Variants in BBS9 observed in about 807,000 individuals in gnomAD.
BBS9 encodes the protein protein PTHB1.
BBS9 carries 89 observed loss-of-function variants against 117.7 expected under a neutral mutation model. The ratio of observed to expected loss-of-function variants is 0.76; its 90% CI spans 0.64 to 0.90. BBS9 has a LOEUF of 0.90. BBS9 is among the 40% of genes least tolerant of loss of function. BBS9 has a pLI of 0.00. For missense variants in BBS9, 982 were observed against 1,042.2 expected (o/e 0.94, Z 0.80); for synonymous variants, 379 against 370.9 (o/e 1.02, Z -0.25).
chr7:33,616,479 A>ATG (rs199968576), intron 21 of BBS9, among the ~76,000 whole-genome samples: 5,025 of 142,410 alleles, frequency 0.035, 100 homozygotes, highest in Non-Finnish European at 0.045. Context: ...TATATAATAT[A>ATG]TGTGTGTGTG....
At chr7:33,484,370 T>C (rs1842834465) in intron 19 of BBS9, among the ~76,000 whole-genome samples, 1 of 152,216 alleles carries the variant, frequency 6.6e-6, no homozygotes, top group Non-Finnish European at 1.5e-5. Context: ...ACCTCTCTAA[T>C]CAATACAAAG....
intron 19 of BBS9, among the ~76,000 whole-genome samples, chr7:33,452,522 C>G (rs1187534326): frequency 6.6e-6 from 1 of 152,148 alleles, no homozygotes; most frequent in African/African-American, 2.4e-5. Flanking sequence ...TTCTTATTTT[C>G]TCTAGTGGAG....
intron 19 of BBS9, among the ~76,000 whole-genome samples, chr7:33,447,284 C>T (rs955611596): frequency 2.0e-5 from 3 of 152,206 alleles, no homozygotes; most frequent in Admixed American, 6.5e-5. Context: ...CAATTAATTA[C>T]GGAAGCTGCG....
At position 33,481,500 on chromosome 7, in the gene BBS9, TG is replaced by T. The variant is rs139035632; in HGVS notation, c.2116-23962del. The stretch of plus-strand genomic sequence containing the variant: ...AATTATGTAATATGATATTATATAA[TG>T]TTGCATGAACAAAGCAGTGTACAAA... On this transcript the variant is annotated intron_variant, in intron 19 of 22. Transcript: ENST00000242067. Among the ~76,000 whole-genome samples the T allele has an allele frequency of 0.014, 2,114 of 152,318 alleles. 121 individuals are homozygous for T. The East Asian group carries it at 0.2, about 14-fold the overall frequency.
At position 33,612,239 on chromosome 7, in the gene BBS9, T is replaced by A. The variant is rs748458233; in HGVS notation, c.2522-22938T>A. 3.7e-4 allele frequency among the ~76,000 whole-genome samples: 56 copies of A among 152,036 alleles called. 1 individual carries two copies. Among genetic ancestry groups the A allele is most frequent in the Admixed American group, 1.1e-3 (17 of 15,220 alleles). The stretch of plus-strand genomic sequence containing the variant: ...GGGAAAGTATGGTGTGTAATACTCA[T>A]CTTTTGCACTCAGCAGCTCACAAAA... On this transcript the variant is annotated intron_variant, in intron 21 of 21. Transcript: ENST00000671952.
intron 9 of BBS9, among the ~76,000 whole-genome samples, chr7:33,306,512 TA>T (rs1808015058): frequency 6.6e-6 from 1 of 152,114 alleles, no homozygotes; most frequent in African/African-American, 2.4e-5. Flanking sequence ...TGTTTTGGAA[TA>T]AAAATGATGA....
chr7:33,298,487 T>C (rs991050077), intron 9 of BBS9, among the ~76,000 whole-genome samples: 1 of 152,212 alleles, frequency 6.6e-6, no homozygotes, highest in Non-Finnish European at 1.5e-5. Flanking sequence ...ATGCCCACTT[T>C]TAACAATTAT....
chr7:33,368,577 TACACACACACACACAC>T (rs201655079), intron 17 of BBS9, among the ~76,000 whole-genome samples: 4 of 128,400 alleles, frequency 3.1e-5, no homozygotes, highest in Non-Finnish European at 6.9e-5. Context: ...GAGAAAAAAG[TACACACACACACACAC>T]ACACACACAC....
chr7:33,500,510 C>T (rs1845297889), intron 19 of BBS9, among the ~76,000 whole-genome samples: 1 of 152,106 alleles, frequency 6.6e-6, no homozygotes, highest in Admixed American at 6.5e-5. Context: ...AGTGGGGGGA[C>T]AGGGGGTCAG....
At chr7:33,338,629 A>G (rs1584396431) in intron 10 of BBS9, among the ~76,000 whole-genome samples, 1 of 152,274 alleles carries the variant, frequency 6.6e-6, no homozygotes, top group South Asian at 2.1e-4. Context: ...AGTGTTTTTG[A>G]AGCTGATTTT....
At chr7:33,317,843 G>C in intron 9 of BBS9, among the ~76,000 whole-genome samples, 1 of 152,172 alleles carries the variant, frequency 6.6e-6, no homozygotes, top group East Asian at 1.9e-4. Context: ...CATGAAGCTA[G>C]GAACTTAAGA....
intron 1 of BBS9, among the ~76,000 whole-genome samples, chr7:33,137,740 ATTG>A (rs1376946198): frequency 1.3e-5 from 2 of 152,120 alleles, no homozygotes; most frequent in East Asian, 3.8e-4. Context: ...GTTTTTTTCT[ATTG>A]TTCATTAATT....
chr7:33,340,353 A>G (rs1816257544), intron 10 of BBS9, among the ~76,000 whole-genome samples: 1 of 152,248 alleles, frequency 6.6e-6, no homozygotes, highest in African/African-American at 2.4e-5. Flanking sequence ...AAAGATGGAC[A>G]GCACCCTTAT....
At chr7:33,355,701 G>A (rs1173296389) in intron 15 of BBS9, among the ~76,000 whole-genome samples, 1 of 151,842 alleles carries the variant, frequency 6.6e-6, no homozygotes, top group Non-Finnish European at 1.5e-5. Context: ...TGACCTAACT[G>A]AACTGTAAAT....
intron 5 of BBS9, among the ~76,000 whole-genome samples, chr7:33,253,522 G>C (rs527850430): frequency 6.6e-6 from 1 of 152,206 alleles, no homozygotes; most frequent in Non-Finnish European, 1.5e-5. Flanking sequence ...TGAGGCAGGA[G>C]AATTGCTTGA....
intron 21 of BBS9, among the ~76,000 whole-genome samples, chr7:33,566,102 TG>T (rs1856894735): frequency 6.6e-6 from 1 of 151,374 alleles, no homozygotes; most frequent in South Asian, 2.1e-4. Flanking sequence ...TTCTGCCTTA[TG>T]GGTAACAGAC....
rs543130380 is a variant in BBS9, at chr7:33,289,513, T to G, written c.1016+15557T>G. ...AAGTTATGGCTTGTGAATTAGAAAT[T>G]ACTAGTATTTCAGTAGTCAAAATAC... On this transcript the variant is annotated intron_variant, in intron 9 of 22. Transcript: ENST00000242067. Among the ~76,000 whole-genome samples the G allele has an allele frequency of 2.0e-5, 3 of 152,310 alleles. No individual in the cohort carries two copies. The South Asian group carries it at 6.2e-4, about 32-fold the overall frequency.
At chr7:33,596,391 C>CTATCTATCTATCTATCTATCTATA (rs968148294) in intron 21 of BBS9, among the ~76,000 whole-genome samples, 3 of 150,410 alleles carry the variant, frequency 2.0e-5, no homozygotes, top group South Asian at 2.1e-4. Context: ...ATCTATCTAT[C>CTATCTATCTATCTATCTATCTATA]TATATATAAT....
chr7:33,584,751 A>G (rs1329167577), intron 21 of BBS9, among the ~76,000 whole-genome samples: 1 of 152,090 alleles, frequency 6.6e-6, no homozygotes, highest in African/African-American at 2.4e-5. Flanking sequence ...ATTGCTCTCA[A>G]ATTTTTTCCT....
Sources: gnomAD v4.1 joint callset for allele counts (sites outside exome capture counted in the v4.1 genomes callset) on GRCh38, gnomAD v4.1.1 for gene constraint, MANE v1.5 for transcripts, NCBI Gene and HGNC (gene_info 2026-07-23, HGNC 2026-07-21) for gene names.